The following SCAMP2 variants were observed in gnomAD, a reference collection of about 807,000 sequenced individuals.
The protein encoded by SCAMP2 is secretory carrier-associated membrane protein 2.
Under a neutral mutation model 44.1 loss-of-function variants are expected in SCAMP2, and 25 were observed. That is an observed-to-expected ratio of 0.57 (90% confidence interval 0.41 to 0.79). The LOEUF is 0.79. Among genes scored for constraint, SCAMP2 ranks in the 30% least tolerant of loss-of-function variants. The probability of loss-of-function intolerance (pLI) is 0.00; values close to 1 mark genes in which losing one functional copy is unlikely to be tolerated. For synonymous variants in SCAMP2, 156 were observed against 166.0 expected, an observed-to-expected ratio of 0.94 and a Z score of 0.46; for missense variants, 355 against 411.0, an observed-to-expected ratio of 0.86 and a Z score of 1.18.
chr15:74,851,960 C>T (rs913317673), intron 4 of SCAMP2, 109 bp downstream of exon 4: 21 of 692,090 alleles, frequency 3.0e-5, no homozygotes, highest in Non-Finnish European at 4.4e-5. Context: ...AAGAGCCCCA[C>T]AAAACTCTAA....
In SCAMP2 at chr15:74,851,465, C is replaced by A; in HGVS notation, c.360G>T (p.Trp120Cys). 1 of 1,613,844 alleles carries A rather than the reference C, an allele frequency of 6.2e-7. No homozygotes were observed. Among genetic ancestry groups the A allele is most frequent in the Non-Finnish European group, 8.5e-7 (1 of 1,179,804 alleles). The change falls in exon 5 of 9, where the codon TGG becomes TGT. Residue 120 changes from tryptophan (W) to cysteine (C), a missense_variant. Trp to Cys is a radical substitution (Grantham distance 215, BLOSUM62 -2). Transcript: ENST00000268099. ...CAGGGCACCACGAGGGCAGAGGGGG[C>A]CAGTTGTTCTGTCTCACTGGGTAGG... ...VANLHVRQNN[W>C]PPLPSWCPVK...
intron 7 of SCAMP2, 70 bp from the exon 8 acceptor site, chr15:74,845,663 T>G: frequency 3.7e-5 from 59 of 1,576,570 alleles, no homozygotes; most frequent in Middle Eastern, 1.8e-4. Flanking sequence ...TAAGGGGCTC[T>G]TCTCCAAGTG....
At chr15:74,853,719 G>A (rs1266213684) in intron 3 of SCAMP2, 17 of 479,266 alleles carry the variant, frequency 3.5e-5, no homozygotes, top group African/African-American at 9.8e-5. Flanking sequence ...CCAAAGGCCC[G>A]AGGAGGACCT....
intron 1 of SCAMP2, among the ~76,000 whole-genome samples, chr15:74,864,188 A>G (rs762520924): frequency 1.3e-5 from 2 of 152,106 alleles, no homozygotes; most frequent in African/African-American, 2.4e-5. Flanking sequence ...CAGCCTCCTG[A>G]GTAGCTAGGA....
intron 8 of SCAMP2, 79 bp downstream of exon 8, chr15:74,845,394 G>A (rs1245614743): frequency 6.2e-7 from 1 of 1,609,760 alleles, no homozygotes; most frequent in Admixed American, 1.7e-5. Context: ...CTGCAGTGGT[G>A]AAAAACATCT....
intron 1 of SCAMP2, among the ~76,000 whole-genome samples, chr15:74,865,965 AG>A (rs2064540039): frequency 4.8e-5 from 1 of 20,954 alleles, no homozygotes; most frequent in African/African-American, 8.2e-5. Context: ...GAAGGAAGGA[AG>A]GAAGGAAGGA....
intron 1 of SCAMP2, among the ~76,000 whole-genome samples, chr15:74,859,103 G>C (rs958121215): frequency 6.6e-6 from 1 of 151,998 alleles, no homozygotes; most frequent in Non-Finnish European, 1.5e-5. Flanking sequence ...CACCATGCCC[G>C]GTCCTAACTG....
chr15:74,845,646 G>A, intron 7 of SCAMP2, 53 bp from the exon 8 acceptor site: 5 of 1,607,364 alleles, frequency 3.1e-6, no homozygotes, highest in Non-Finnish European at 4.3e-6. Flanking sequence ...GGCTCCAAAA[G>A]TCAGCATAAG....
chr15:74,853,044 C>A (rs2064445444), intron 3 of SCAMP2: 1 of 180,666 alleles, frequency 5.5e-6, no homozygotes, highest in African/African-American at 2.4e-5. Flanking sequence ...CATGTGTACA[C>A]ACACACATGT....
At chr15:74,870,780 C>T (rs1008111614) in intron 1 of SCAMP2, among the ~76,000 whole-genome samples, 6 of 152,208 alleles carry the variant, frequency 3.9e-5, no homozygotes, top group African/African-American at 9.6e-5. Flanking sequence ...CATTTTCACT[C>T]TCCTGACAGC....
intron 1 of SCAMP2, among the ~76,000 whole-genome samples, chr15:74,857,411 A>G (rs1451593790): frequency 6.6e-6 from 1 of 152,220 alleles, no homozygotes; most frequent in Non-Finnish European, 1.5e-5. Context: ...TGCAAGGAAG[A>G]TTTGGGGCTT....
intron 3 of SCAMP2, 82 bp from the exon 4 acceptor site, chr15:74,852,268 C>G: frequency 9.8e-7 from 1 of 1,022,320 alleles, no homozygotes; most frequent in Non-Finnish European, 1.3e-6. Flanking sequence ...GGCAGAGAGG[C>G]CTTGCCCCAG....
chr15:74,845,321 C>T (rs757814505), intron 8 of SCAMP2, 104 bp from the exon 9 acceptor site: 5 of 1,577,830 alleles, frequency 3.2e-6, no homozygotes, highest in East Asian at 4.5e-5. Flanking sequence ...CCTGGCACTG[C>T]CTGACCCCCC....
intron 1 of SCAMP2, among the ~76,000 whole-genome samples, chr15:74,855,268 T>G (rs1596417118): frequency 6.6e-6 from 1 of 151,896 alleles, no homozygotes; most frequent in African/African-American, 2.4e-5. Flanking sequence ...CATACCCGGC[T>G]AATTTTTGTA....
chr15:74,856,418 G>A (rs2064469471), intron 1 of SCAMP2, among the ~76,000 whole-genome samples: 1 of 150,774 alleles, frequency 6.6e-6, no homozygotes, highest in Admixed American at 6.6e-5. Flanking sequence ...GGGATTACAG[G>A]CGCCTGCCAC....
intron 1 of SCAMP2, among the ~76,000 whole-genome samples, chr15:74,866,798 C>CTTT (rs112929950): frequency 8.4e-6 from 1 of 119,686 alleles, no homozygotes; most frequent in African/African-American, 3.1e-5. Flanking sequence ...TATTTTCTTT[C>CTTT]TTTTTTTTTT....
At chr15:74,863,300 T>C (rs1159257927) in intron 1 of SCAMP2, among the ~76,000 whole-genome samples, 2 of 149,494 alleles carry the variant, frequency 1.3e-5, no homozygotes, top group Middle Eastern at 3.2e-3. Context: ...TGAGTCGAGA[T>C]CACTCCATTG....
At position 74,873,320 on chromosome 15, in the gene SCAMP2, G is replaced by A; in HGVS notation, c.-65C>T. On this transcript the variant is annotated 5_prime_UTR_variant, in exon 1 of 9. Transcript: ENST00000268099. ...TGCCTCCGGGCACCCAGACCCAGCG[G>A]CGCTTCGTGTAGACCCTCCACTTCC... 7.0e-7 allele frequency: 1 copy of A among 1,427,630 alleles called. No homozygotes were observed. The highest frequency in any genetic ancestry group is 9.2e-7 in the Non-Finnish European group (1 of 1,083,480). 88.4% of individuals were successfully genotyped at this position (1,427,630 alleles called of 1,614,324 possible).
rs139221383 is a variant in SCAMP2, at chr15:74,872,074, A to T, written c.57+1125T>A. Among the ~76,000 whole-genome samples, 1,496 of 151,692 alleles carry T rather than the reference A, an allele frequency of 9.9e-3. 25 individuals are homozygous for T. The highest frequency in any genetic ancestry group is 0.034 in the African/African-American group (1,402 of 41,356). ...ACAAAACAAAACAAAACAAAAAAAA[A>T]GGAAAAGAAAGAAAGCAGGAAGATT... On this transcript the variant is annotated intron_variant, in intron 1 of 8. Transcript: ENST00000268099.
Sources: gnomAD v4.1 joint callset for allele counts (sites outside exome capture counted in the v4.1 genomes callset) on GRCh38, gnomAD v4.1.1 for gene constraint, MANE v1.5 for transcripts, NCBI Gene and HGNC (gene_info 2026-07-23, HGNC 2026-07-21) for gene names.